PGCKA1: variants seen among roughly 807,000 people sequenced by gnomAD.
PGCKA1 encodes the protein PDCD10 and GCKIII kinases associated 1.
At chr4:37,588,966 A>T in the PGCKA1 span, 3 of 1,177,210 alleles carry the variant, frequency 2.5e-6, no homozygotes, top group Non-Finnish European at 3.8e-6. Context: ...ACTTTTAAAG[A>T]CCATGCGTGT....
At chr4:37,533,157 A>T in the PGCKA1 span, among the ~76,000 whole-genome samples, 1 of 152,236 alleles carries the variant, frequency 6.6e-6, no homozygotes, top group African/African-American at 2.4e-5. Context: ...TTATTTAAAA[A>T]AATAGTATCT....
chr4:37,507,835 C>T, the PGCKA1 span, among the ~76,000 whole-genome samples: 2 of 152,130 alleles, frequency 1.3e-5, no homozygotes, highest in African/African-American at 4.8e-5. Context: ...TTGAAATACT[C>T]CCTTTAGCCT....
At chr4:37,590,939 C>T in the PGCKA1 span, 52 of 1,613,946 alleles carry the variant, frequency 3.2e-5, no homozygotes, top group Admixed American at 5.0e-5. Flanking sequence ...GCAGCGGTGG[C>T]GGAGGCCCTT....
At chr4:37,521,206 C>T in the PGCKA1 span, among the ~76,000 whole-genome samples, 2 of 152,120 alleles carry the variant, frequency 1.3e-5, no homozygotes, top group African/African-American at 2.4e-5. Context: ...CAGCTATAAA[C>T]GTCCCTCTTA....
At chr4:37,465,568 AG>A in the PGCKA1 span, among the ~76,000 whole-genome samples, 16 of 152,144 alleles carry the variant, frequency 1.1e-4, no homozygotes. Flanking sequence ...TACCAAGAGA[AG>A]TAGACAGTAG....
the PGCKA1 span, among the ~76,000 whole-genome samples, chr4:37,523,461 T>C: frequency 6.6e-6 from 1 of 152,000 alleles, no homozygotes; most frequent in African/African-American, 2.4e-5. Flanking sequence ...GAGGGCACAC[T>C]GATTTTTGGT....
the PGCKA1 span, among the ~76,000 whole-genome samples, chr4:37,574,612 G>T: frequency 6.6e-6 from 1 of 152,122 alleles, no homozygotes; most frequent in Non-Finnish European, 1.5e-5. Context: ...ACAAACAAGT[G>T]ATATTCTTTA....
At chr4:37,587,571 G>A in the PGCKA1 span, among the ~76,000 whole-genome samples, 1 of 152,214 alleles carries the variant, frequency 6.6e-6, no homozygotes, top group African/African-American at 2.4e-5. Context: ...GGGACAACAT[G>A]GGAGACAGAG....
At chr4:37,542,926 G>A in the PGCKA1 span, among the ~76,000 whole-genome samples, 30 of 152,124 alleles carry the variant, frequency 2.0e-4, no homozygotes, top group African/African-American at 7.0e-4. Flanking sequence ...GGTCTGGCCC[G>A]CAGCACTAGA....
chr4:37,454,541 C>T, the PGCKA1 span, among the ~76,000 whole-genome samples: 1 of 152,290 alleles, frequency 6.6e-6, no homozygotes, highest in African/African-American at 2.4e-5. Context: ...ATTTGCCCCC[C>T]AGGGGTGCTG....
chr4:37,496,452 A>C, the PGCKA1 span, among the ~76,000 whole-genome samples: 1 of 152,058 alleles, frequency 6.6e-6, no homozygotes, highest in Admixed American at 6.5e-5. Flanking sequence ...ATTCTGTTCC[A>C]TTGGTCTGTG....
chr4:37,579,014 C>A, the PGCKA1 span, among the ~76,000 whole-genome samples: 1 of 151,894 alleles, frequency 6.6e-6, no homozygotes, highest in East Asian at 1.9e-4. Context: ...GCCGAGATTG[C>A]GCCATTGCAC....
the PGCKA1 span, among the ~76,000 whole-genome samples, chr4:37,539,014 C>T: frequency 6.6e-6 from 1 of 152,108 alleles, no homozygotes; most frequent in Non-Finnish European, 1.5e-5. Flanking sequence ...TATGCATACC[C>T]TAAGAATGAC....
At chr4:37,456,136 A>G in the PGCKA1 span, among the ~76,000 whole-genome samples, 1 of 152,156 alleles carries the variant, frequency 6.6e-6, no homozygotes, top group Non-Finnish European at 1.5e-5. Flanking sequence ...AGGTGTGTAG[A>G]AAAGAGTTGA....
At chr4:37,531,891 C>CAAAAAAAAAAAAAAAAAAAAA in the PGCKA1 span, among the ~76,000 whole-genome samples, 1 of 70,940 alleles carries the variant, frequency 1.4e-5, no homozygotes. Context: ...GAATCTGTCT[C>CAAAAAAAAAAAAAAAAAAAAA]AAAAAAAAAA....
chr4:37,562,311 G>A, the PGCKA1 span, among the ~76,000 whole-genome samples: 31 of 152,198 alleles, frequency 2.0e-4, no homozygotes, highest in African/African-American at 7.5e-4. Context: ...TGAACACCAG[G>A]TACATAAGAA....
chr4:37,590,893 G>A, the PGCKA1 span: 11 of 1,614,070 alleles, frequency 6.8e-6, no homozygotes, highest in South Asian at 1.1e-5. Flanking sequence ...CCATGGCTCC[G>A]ATGGAGATGG....
chr4:37,527,130 TATA>T, the PGCKA1 span, among the ~76,000 whole-genome samples: 3 of 151,994 alleles, frequency 2.0e-5, no homozygotes, highest in Non-Finnish European at 4.4e-5. Flanking sequence ...AAAAAGTATA[TATA>T]ATAAGACTAT....
the PGCKA1 span, among the ~76,000 whole-genome samples, chr4:37,568,712 G>A: frequency 6.6e-6 from 1 of 152,244 alleles, no homozygotes; most frequent in Admixed American, 6.5e-5. Context: ...CAGCACGGAA[G>A]TACTGAAGCA....
Sources: gnomAD v4.1 joint callset for allele counts (sites outside exome capture counted in the v4.1 genomes callset) on GRCh38, gnomAD v4.1.1 for gene constraint, MANE v1.5 for transcripts, NCBI Gene and HGNC (gene_info 2026-07-23, HGNC 2026-07-21) for gene names.